Variants in ELF2 observed in about 807,000 individuals in gnomAD.
ELF2 encodes ETS-related transcription factor Elf-2.
ELF2 carries 11 observed loss-of-function variants against 54.8 expected under a neutral mutation model. The ratio of observed to expected loss-of-function variants is 0.20; its 90% CI spans 0.13 to 0.33. The LOEUF is 0.33. ELF2 is among the 10% of genes least tolerant of loss of function. ELF2 has a pLI of 1.00. For missense variants in ELF2, 513 were observed against 703.0 expected (o/e 0.73, Z 3.06); for synonymous variants, 203 against 245.1 (o/e 0.83, Z 1.61).
intron 1 of ELF2, among the ~76,000 whole-genome samples, chr4:139,174,215 AAAAAAAAG>A (rs987207802): frequency 6.6e-6 from 1 of 150,458 alleles, no homozygotes; most frequent in African/African-American, 2.5e-5. Context: ...TTAAAAAAAA[AAAAAAAAG>A]AAAGAAAGAA....
chr4:139,099,520 C>T (rs566661299), intron 4 of ELF2, among the ~76,000 whole-genome samples: 42 of 152,266 alleles, frequency 2.8e-4, no homozygotes, highest in African/African-American at 9.9e-4. Context: ...AATTGGCTCC[C>T]GTCTTCCATC....
intron 4 of ELF2, among the ~76,000 whole-genome samples, chr4:139,088,284 T>TAAAAA (rs10713739): frequency 8.9e-6 from 1 of 112,280 alleles, no homozygotes; most frequent in African/African-American, 3.4e-5. Flanking sequence ...AGACTCTGTC[T>TAAAAA]AAAAAAAAAA....
intron 4 of ELF2, among the ~76,000 whole-genome samples, chr4:139,086,557 C>T (rs1314808252): frequency 6.6e-6 from 1 of 152,128 alleles, no homozygotes; most frequent in African/African-American, 2.4e-5. Context: ...TGAAGATCTT[C>T]GAACCGTCAT....
intron 1 of ELF2, among the ~76,000 whole-genome samples, chr4:139,154,302 C>T (rs1279017765): frequency 6.6e-6 from 1 of 152,070 alleles, no homozygotes; most frequent in Non-Finnish European, 1.5e-5. Context: ...ATTTTCTTAT[C>T]CATAAGATAG....
intron 4 of ELF2, among the ~76,000 whole-genome samples, chr4:139,114,620 G>A (rs1015427449): frequency 3.8e-5 from 5 of 131,462 alleles, no homozygotes; most frequent in Non-Finnish European, 7.9e-5. Context: ...GCTCAGCACT[G>A]ACATGGATTT....
chr4:139,168,744 T>G (rs1043778870), intron 1 of ELF2, among the ~76,000 whole-genome samples: 3 of 150,532 alleles, frequency 2.0e-5, no homozygotes, highest in African/African-American at 7.5e-5. Context: ...GTTTTATTTG[T>G]TTTTTTAGAG....
chr4:139,131,572 T>G (rs1737491117), intron 3 of ELF2, among the ~76,000 whole-genome samples: 3 of 152,196 alleles, frequency 2.0e-5, no homozygotes. Context: ...TACATAAATT[T>G]GTTCCACATT....
intron 1 of ELF2, among the ~76,000 whole-genome samples, chr4:139,146,216 C>T (rs1739209838): frequency 6.6e-6 from 1 of 152,192 alleles, no homozygotes; most frequent in African/African-American, 2.4e-5. Flanking sequence ...TCCAGTAGCA[C>T]TGCTATACAA....
chr4:139,092,296 G>C (rs1560800337), intron 4 of ELF2, among the ~76,000 whole-genome samples: 1 of 151,624 alleles, frequency 6.6e-6, no homozygotes, highest in Non-Finnish European at 1.5e-5. Context: ...GGGAGGCAGA[G>C]GTTGAAGTAA....
intron 4 of ELF2, chr4:139,114,897 G>C: frequency 6.2e-7 from 1 of 1,610,586 alleles, no homozygotes; most frequent in Non-Finnish European, 8.5e-7. Context: ...CGATTGTCCT[G>C]TGGGAACCAC....
intron 4 of ELF2, among the ~76,000 whole-genome samples, chr4:139,107,352 T>C (rs1225112688): frequency 2.0e-5 from 3 of 152,220 alleles, no homozygotes; most frequent in Non-Finnish European, 2.9e-5. Flanking sequence ...TCACCACTAC[T>C]ACCACCTCCT....
At chr4:139,115,422 C>A (rs1336451414) in intron 4 of ELF2, 3 of 990,758 alleles carry the variant, frequency 3.0e-6, no homozygotes, top group South Asian at 4.7e-5. Flanking sequence ...CCCTGCGCCA[C>A]CGCCTCCGGG....
At chr4:139,103,481 C>T (rs1337480947) in intron 4 of ELF2, among the ~76,000 whole-genome samples, 1 of 152,204 alleles carries the variant, frequency 6.6e-6, no homozygotes, top group African/African-American at 2.4e-5. Context: ...CTTAATCAAG[C>T]TTCCATAAAA....
chr4:139,148,316 A>ATTTTTTTTTTT (rs772079635), intron 1 of ELF2, among the ~76,000 whole-genome samples: 6 of 64,568 alleles, frequency 9.3e-5, no homozygotes, highest in Non-Finnish European at 1.4e-4. Context: ...TACCTGGCTA[A>ATTTTTTTTTTT]TTTTTTTTTT....
intron 4 of ELF2, among the ~76,000 whole-genome samples, chr4:139,092,528 C>A (rs7691509): frequency 0.64 from 96,866 of 150,524 alleles, 32,221 homozygotes; most frequent in Admixed American, 0.76. Flanking sequence ...GAGGCGGAGG[C>A]GGGTGGATCA....
At chr4:139,114,964 C>T in intron 4 of ELF2, 2 of 1,613,644 alleles carry the variant, frequency 1.2e-6, no homozygotes, top group Middle Eastern at 1.7e-4. Context: ...CTTCTGCATG[C>T]CCCGGATCTT....
chr4:139,059,199 A>G lies in ELF2; in HGVS notation c.1566T>C (p.Pro522=), dbSNP rs768246053. 1 of 1,613,936 alleles carries G rather than the reference A, an allele frequency of 6.2e-7. No homozygotes were observed. The highest frequency in any genetic ancestry group is 8.5e-7 in the Non-Finnish European group (1 of 1,179,860). Residue 522 remains proline (P), a synonymous_variant, in exon 10 of 10, where the codon CCT becomes CCC. Coordinates refer to ENST00000686138, the MANE Select transcript of ELF2 (RefSeq NM_001331036.3). ...TTATGACTGCACTGATAACTCGAGG[A>G]GGAGTCTGGCCAGATGCCTGCTGAG... ...MPTQQASGQT[P]PRVISAVIKG...
intron 3 of ELF2, among the ~76,000 whole-genome samples, chr4:139,133,116 T>A (rs750511487): frequency 2.0e-5 from 3 of 151,748 alleles, no homozygotes; most frequent in Non-Finnish European, 4.4e-5. Context: ...ACAGACGGGG[T>A]TTCACTGCGA....
intron 4 of ELF2, among the ~76,000 whole-genome samples, chr4:139,093,997 C>T (rs945825216): frequency 2.0e-5 from 3 of 148,898 alleles, no homozygotes; most frequent in Non-Finnish European, 4.4e-5. Flanking sequence ...CTCTCGGGTT[C>T]GAGCGATTCT....
Sources: allele counts gnomAD v4.1 joint callset (sites outside exome capture counted in the v4.1 genomes callset), GRCh38; gene constraint gnomAD v4.1.1; transcripts MANE v1.5; gene names NCBI Gene and HGNC (gene_info 2026-07-23, HGNC 2026-07-21).